ZDHHC7: variants seen among roughly 807,000 people sequenced by gnomAD.
ZDHHC7 encodes the protein zDHHC palmitoyltransferase 7.
ZDHHC7 carries 12 observed loss-of-function variants against 34.1 expected under a neutral mutation model. The observed-to-expected ratio is 0.35, with a 90% CI of 0.23 to 0.57. The LOEUF is 0.57. Among genes scored for constraint, ZDHHC7 ranks in the 20% least tolerant of loss-of-function variants. The pLI, the probability that ZDHHC7 is intolerant of heterozygous loss-of-function variation, is 0.84. For missense variants in ZDHHC7, 388 were observed against 402.7 expected, an observed-to-expected ratio of 0.96 and a Z score of 0.31; for synonymous variants, 185 against 155.4, an observed-to-expected ratio of 1.19 and a Z score of -1.42.
At chr16:85,026,347 T>TA in the ZDHHC7 span, among the ~76,000 whole-genome samples, 1 of 152,232 alleles carries the variant, frequency 6.6e-6, no homozygotes, top group African/African-American at 2.4e-5. Flanking sequence ...CACTCGCCTG[T>TA]AGCAACCACG....
intron 3 of ZDHHC7, among the ~76,000 whole-genome samples, chr16:84,983,153 C>G (rs1164855890): frequency 6.6e-6 from 1 of 152,198 alleles, no homozygotes; most frequent in Admixed American, 6.5e-5. Context: ...GTAGAAATCA[C>G]AGATCTGGAG....
At chr16:85,008,303 G>A (rs1047026084) in intron 1 of ZDHHC7, among the ~76,000 whole-genome samples, 2 of 151,876 alleles carry the variant, frequency 1.3e-5, no homozygotes, top group African/African-American at 4.9e-5. Context: ...CTGCATAATG[G>A]GGCCTCAATA....
At chr16:85,026,342 G>A in the ZDHHC7 span, among the ~76,000 whole-genome samples, 5 of 152,058 alleles carry the variant, frequency 3.3e-5, no homozygotes, top group East Asian at 1.9e-4. Flanking sequence ...GTACCCACTC[G>A]CCTGTAGCAA....
chr16:85,022,965 G>A, the ZDHHC7 span, among the ~76,000 whole-genome samples: 1 of 152,154 alleles, frequency 6.6e-6, no homozygotes, highest in African/African-American at 2.4e-5. Flanking sequence ...CTGAGGAACT[G>A]TTCCAGAGTA....
intron 3 of ZDHHC7, among the ~76,000 whole-genome samples, chr16:84,983,632 T>G (rs1026908737): frequency 5.9e-5 from 9 of 152,206 alleles, no homozygotes; most frequent in African/African-American, 2.2e-4. Context: ...TCAAAGTGTT[T>G]CCTAACATGC....
upstream of ZDHHC7, among the ~76,000 whole-genome samples, chr16:85,011,758 C>G (rs1263539840): frequency 6.6e-6 from 1 of 152,222 alleles, no homozygotes; most frequent in African/African-American, 2.4e-5. Flanking sequence ...GCAGCAGGGT[C>G]CAAGCCACGC....
chr16:85,000,726 G>C (rs548086760), intron 1 of ZDHHC7, among the ~76,000 whole-genome samples: 1 of 152,128 alleles, frequency 6.6e-6, no homozygotes, highest in Non-Finnish European at 1.5e-5. Flanking sequence ...CAAACATCAG[G>C]CTGGGGAGTT....
At chr16:85,007,385 C>G (rs1224528189) in intron 1 of ZDHHC7, among the ~76,000 whole-genome samples, 1 of 146,238 alleles carries the variant, frequency 6.8e-6, no homozygotes, top group African/African-American at 2.6e-5. Context: ...ACCACGCCAC[C>G]GCACTCCAGC....
At chr16:85,020,054 C>A in the ZDHHC7 span, among the ~76,000 whole-genome samples, 2 of 152,226 alleles carry the variant, frequency 1.3e-5, no homozygotes, top group Non-Finnish European at 2.9e-5. Context: ...GTGAGCAACA[C>A]TAGGCTATGA....
At chr16:85,020,372 A>AG in the ZDHHC7 span, among the ~76,000 whole-genome samples, 1 of 152,212 alleles carries the variant, frequency 6.6e-6, no homozygotes, top group Non-Finnish European at 1.5e-5. Context: ...AGCTAGGCAA[A>AG]GCTCCTGCCT....
rs112917168 is a variant in ZDHHC7 at position 84,981,702 on chromosome 16, A to G, written c.440+168T>C. Among the ~76,000 whole-genome samples the G allele has an allele frequency of 5.1e-3, 773 of 152,252 alleles. 7 individuals carry two copies. Among genetic ancestry groups the G allele is most frequent in the African/African-American group, 0.018 (742 of 41,536 alleles). ...ACTCTAGGGCACCGGCCCTTTACTCAGCTCCCTACCCCAGAAAGAACATGA... is the reference window on the plus strand; with the variant it reads ...ACTCTAGGGCACCGGCCCTTTACTCGGCTCCCTACCCCAGAAAGAACATGA... On this transcript the variant is annotated intron_variant, in intron 4 of 7. Transcript: ENST00000313732.
intron 1 of ZDHHC7, among the ~76,000 whole-genome samples, chr16:85,008,113 C>G (rs2072741863): frequency 6.6e-6 from 1 of 152,014 alleles, no homozygotes; most frequent in Non-Finnish European, 1.5e-5. Flanking sequence ...AAGACCCTCT[C>G]AAAGCAAACA....
At chr16:85,024,525 C>T in the ZDHHC7 span, among the ~76,000 whole-genome samples, 2 of 152,192 alleles carry the variant, frequency 1.3e-5, no homozygotes, top group African/African-American at 2.4e-5. Flanking sequence ...GCCACGGTGC[C>T]CGGACAGAAT....
upstream of ZDHHC7, among the ~76,000 whole-genome samples, chr16:85,012,460 G>T (rs1230497282): frequency 1.3e-5 from 2 of 149,842 alleles, no homozygotes; most frequent in East Asian, 3.9e-4. Context: ...ATATGTCAAA[G>T]ATACCATTTA....
chr16:85,000,915 T>A (rs2072644156), intron 1 of ZDHHC7, among the ~76,000 whole-genome samples: 1 of 152,136 alleles, frequency 6.6e-6, no homozygotes, highest in African/African-American at 2.4e-5. Flanking sequence ...CAGCTACTTC[T>A]GGAAGAACCA....
At chr16:84,987,704 C>T (rs1047712843) in intron 3 of ZDHHC7, among the ~76,000 whole-genome samples, 1 of 152,188 alleles carries the variant, frequency 6.6e-6, no homozygotes, top group East Asian at 1.9e-4. Context: ...CCCAGATGCC[C>T]ATCAACTAAC....
the ZDHHC7 span, among the ~76,000 whole-genome samples, chr16:85,016,904 A>C: frequency 1.3e-5 from 2 of 152,074 alleles, no homozygotes; most frequent in Non-Finnish European, 2.9e-5. Flanking sequence ...ATACAAAAAT[A>C]ATCTCTAAAA....
intron 3 of ZDHHC7, among the ~76,000 whole-genome samples, chr16:84,985,313 C>A (rs1388853090): frequency 6.6e-6 from 1 of 152,248 alleles, no homozygotes; most frequent in African/African-American, 2.4e-5. Context: ...GGCAGTTAGG[C>A]TTCGCAGAGC....
At chr16:84,986,907 G>A (rs955515823) in intron 3 of ZDHHC7, among the ~76,000 whole-genome samples, 1 of 152,202 alleles carries the variant, frequency 6.6e-6, no homozygotes, top group Non-Finnish European at 1.5e-5. Context: ...GATCTGTGGA[G>A]AGAAGAAATC....
Sources: gnomAD v4.1 joint callset for allele counts (sites outside exome capture counted in the v4.1 genomes callset) on GRCh38, gnomAD v4.1.1 for gene constraint, MANE v1.5 for transcripts, NCBI Gene and HGNC (gene_info 2026-07-23, HGNC 2026-07-21) for gene names.